MYO1B: variants seen among roughly 807,000 people sequenced by gnomAD.
The protein encoded by MYO1B is myosin IB.
In MYO1B, 72 loss-of-function variants were observed where a neutral mutation model predicts 159.7. The ratio of observed to expected loss-of-function variants is 0.45; its 90% CI spans 0.37 to 0.55. The LOEUF is 0.55. MYO1B is among the 20% of genes least tolerant of loss of function. The pLI is 0.00. For missense variants in MYO1B, 1,062 were observed against 1,364.8 expected, an observed-to-expected ratio of 0.78 and a Z score of 3.50; for synonymous variants, 468 against 473.8, an observed-to-expected ratio of 0.99 and a Z score of 0.16.
At chr2:191,346,209 ACC>A in intron 5 of MYO1B, 25 bp from the exon 6 acceptor site, 1 of 1,510,118 alleles carries the variant, frequency 6.6e-7, no homozygotes, top group Non-Finnish European at 9.0e-7. Context: ...TATTTTTTTA[ACC>A]ATACATCTGT....
intron 1 of MYO1B, among the ~76,000 whole-genome samples, chr2:191,253,974 C>G (rs992797643): frequency 1.3e-5 from 2 of 151,996 alleles, no homozygotes; most frequent in African/African-American, 4.8e-5. Flanking sequence ...AGATTTGTGC[C>G]AAGGTGCTTC....
intron 3 of MYO1B, among the ~76,000 whole-genome samples, chr2:191,328,715 T>G (rs1691264753): frequency 6.6e-6 from 1 of 152,194 alleles, no homozygotes; most frequent in African/African-American, 2.4e-5. Context: ...CTCTCTTCAT[T>G]ATGCTTTGCT....
intron 21 of MYO1B, among the ~76,000 whole-genome samples, chr2:191,398,914 C>T (rs1490764868): frequency 6.6e-6 from 1 of 152,194 alleles, no homozygotes; most frequent in Admixed American, 6.5e-5. Context: ...CCAAGGCAGG[C>T]GGCTGGGAGG....
chr2:191,385,206 G>A (rs1238212576), intron 15 of MYO1B, among the ~76,000 whole-genome samples: 1 of 152,180 alleles, frequency 6.6e-6, no homozygotes, highest in East Asian at 1.9e-4. Context: ...GAATAAAAAT[G>A]ACCACAGGGT....
intron 3 of MYO1B, among the ~76,000 whole-genome samples, chr2:191,304,004 T>TG (rs2125837890): frequency 6.6e-6 from 1 of 152,338 alleles, no homozygotes; most frequent in South Asian, 2.1e-4. Context: ...GCACTGTGTT[T>TG]GTTGTCAGTC....
At position 191,326,567 on chromosome 2, in the gene MYO1B, A is replaced by G. The variant is rs144785140; in HGVS notation, c.252-3368A>G. ...CTCAGTGGCTCTCTAGAATCCTGAA[A>G]GAATAAATCCCTTTTAGCCTTTGTC... On this transcript the variant is annotated intron_variant, in intron 3 of 30. Coordinates refer to ENST00000392318, the MANE Select transcript of MYO1B (RefSeq NM_001130158.3). Among the ~76,000 whole-genome samples the G allele has an allele frequency of 4.2e-3, 647 of 152,312 alleles. 7 individuals are homozygous for G. Among genetic ancestry groups the G allele is most frequent in the African/African-American group, 0.014 (589 of 41,560 alleles).
chr2:191,306,731 A>G (rs939476587), intron 3 of MYO1B, among the ~76,000 whole-genome samples: 18 of 152,122 alleles, frequency 1.2e-4, no homozygotes, highest in Admixed American at 1.2e-3. Context: ...GCCCAGTCAC[A>G]ATTCCTGGCT....
intron 8 of MYO1B, among the ~76,000 whole-genome samples, chr2:191,361,880 T>A (rs1159850520): frequency 6.6e-6 from 1 of 152,134 alleles, no homozygotes; most frequent in Non-Finnish European, 1.5e-5. Context: ...GCTCTATATT[T>A]ATTATTATAA....
chr2:191,333,331 A>C (rs559531970), intron 4 of MYO1B, among the ~76,000 whole-genome samples: 3 of 152,164 alleles, frequency 2.0e-5, no homozygotes, highest in Non-Finnish European at 4.4e-5. Flanking sequence ...CTAAGCATGT[A>C]CAAAATGGAA....
chr2:191,308,331 A>G (rs1487239739), intron 3 of MYO1B, among the ~76,000 whole-genome samples: 3 of 152,252 alleles, frequency 2.0e-5, no homozygotes, highest in Non-Finnish European at 1.5e-5. Flanking sequence ...TTAAGAAGCC[A>G]TAGAAAGCTT....
rs773243836 is a variant in MYO1B, at chr2:191,277,017, A to G, written c.122A>G (p.His41Arg). 1 of 1,613,554 alleles carries G rather than the reference A, an allele frequency of 6.2e-7. No individual in the cohort carries two copies. The highest frequency in any genetic ancestry group is 1.1e-5 in the South Asian group (1 of 90,986). ...AACAACCTCAAGAAGCGCTTTGACC[A>G]CAGTGAAATATACGTAAGTACACAC... ...FINNLKKRFD[H>R]SEIYTYIGSV... The change falls in exon 2 of 31, where the codon CAC becomes CGC. Residue 41 changes from histidine (H) to arginine (R), a missense_variant. His to Arg is a conservative substitution (Grantham distance 29). Around this residue, in one of 5 missense-constraint regions of MYO1B, gnomAD observed 415 missense variants for 544.0 expected, o/e 0.76. Coordinates refer to ENST00000392318, the MANE Select transcript of MYO1B (RefSeq NM_001130158.3).
intron 2 of MYO1B, among the ~76,000 whole-genome samples, chr2:191,282,713 A>G (rs1688136077): frequency 2.0e-5 from 3 of 152,212 alleles, no homozygotes; most frequent in Admixed American, 6.5e-5. Flanking sequence ...TCTTTTATCT[A>G]GACGGGCAGA....
At chr2:191,367,503 A>G (rs893721516) in intron 11 of MYO1B, among the ~76,000 whole-genome samples, 1 of 152,104 alleles carries the variant, frequency 6.6e-6, no homozygotes, top group African/African-American at 2.4e-5. Flanking sequence ...TGAGTTTGAG[A>G]CCCCTGGAAT....
Position 191,402,827 on chromosome 2 carries a change from G to T in MYO1B, c.2556+109G>T, listed in dbSNP as rs1696695229. 3.9e-6 allele frequency: 3 copies of T among 766,188 alleles called. No individual in the cohort carries two copies. In the Admixed American group the frequency reaches 1.0e-4, roughly 26 times the overall value. 47.5% of individuals were successfully genotyped at this position (766,188 alleles called of 1,614,324 possible). A position where few individuals can be genotyped will look rare whatever the true frequency, so the allele number is the denominator to read the frequency against. The stretch of plus-strand genomic sequence containing the variant: ...GCTTGCTGATGGTCTGCACAGTCTT[G>T]TAGAATGTCATCTTGCTTAATTTTG... On this transcript the variant is annotated intron_variant, in intron 24 of 30. Transcript: ENST00000392318.
intron 3 of MYO1B, among the ~76,000 whole-genome samples, chr2:191,319,096 A>G (rs989664787): frequency 2.0e-5 from 3 of 152,104 alleles, no homozygotes; most frequent in Non-Finnish European, 4.4e-5. Context: ...GTGGTATATG[A>G]TATTTTTGCT....
At chr2:191,367,652 A>G (rs766044597) in intron 11 of MYO1B, among the ~76,000 whole-genome samples, 12 of 152,244 alleles carry the variant, frequency 7.9e-5, no homozygotes, top group Non-Finnish European at 1.8e-4. Flanking sequence ...AGTAGATAGC[A>G]TGTAACTAAA....
At chr2:191,324,517 A>G (rs1690929948) in intron 3 of MYO1B, among the ~76,000 whole-genome samples, 1 of 152,168 alleles carries the variant, frequency 6.6e-6, no homozygotes, top group East Asian at 1.9e-4. Context: ...CCAACCATTT[A>G]GGTATATTTA....
chr2:191,311,845 T>A (rs903946814), intron 3 of MYO1B, among the ~76,000 whole-genome samples: 1 of 152,208 alleles, frequency 6.6e-6, no homozygotes. Context: ...ACCTGGAATG[T>A]GGGTATAGGG....
intron 21 of MYO1B, among the ~76,000 whole-genome samples, chr2:191,397,780 C>T (rs1158845692): frequency 2.1e-5 from 3 of 144,854 alleles, no homozygotes; most frequent in East Asian, 2.2e-4. Context: ...CGGGCAGAAG[C>T]GCCCCTCACC....
Sources: gnomAD v4.1 joint callset for allele counts (sites outside exome capture counted in the v4.1 genomes callset) on GRCh38, gnomAD v4.1.1 for gene constraint, gnomAD v4.1.1 regional missense constraint, MANE v1.5 for transcripts, NCBI Gene and HGNC (gene_info 2026-07-23, HGNC 2026-07-21) for gene names.